The following ZDHHC11 variants were observed in gnomAD, a reference collection of about 807,000 sequenced individuals.
ZDHHC11 encodes zDHHC palmitoyltransferase 11.
In ZDHHC11, 44 loss-of-function variants were observed where a neutral mutation model predicts 51.3. The observed-to-expected ratio is 0.86, with a 90% confidence interval of 0.67 to 1.10. ZDHHC11 has a LOEUF of 1.10. Ranked by LOEUF, ZDHHC11 falls within the 50% of genes least tolerant of loss-of-function variation. The pLI, the probability that ZDHHC11 is intolerant of heterozygous loss-of-function variation, is 0.00. For missense variants in ZDHHC11, 400 were observed against 537.7 expected, an observed-to-expected ratio of 0.74 and a Z score of 2.53; for synonymous variants, 163 against 222.0, an observed-to-expected ratio of 0.73 and a Z score of 2.36.
chr5:838,525 C>T (rs1162303628), intron 5 of ZDHHC11, among the ~76,000 whole-genome samples: 2 of 152,004 alleles, frequency 1.3e-5, no homozygotes, highest in Non-Finnish European at 2.9e-5. Context: ...CGTCTCACCA[C>T]AGCCTCTCCA....
chr5:816,325 G>A (rs190435760), intron 10 of ZDHHC11: 148 of 341,344 alleles, frequency 4.3e-4, no homozygotes, highest in African/African-American at 3.1e-3. Flanking sequence ...ATTCTCTGGA[G>A]GGAGACTCAG....
At chr5:809,521 G>A (rs1454430024) in intron 11 of ZDHHC11, among the ~76,000 whole-genome samples, 5 of 150,244 alleles carry the variant, frequency 3.3e-5, no homozygotes, top group Non-Finnish European at 5.9e-5. Context: ...GGAGGCCATC[G>A]GAGAACCCGG....
intron 8 of ZDHHC11, 49 bp downstream of exon 8, chr5:825,115 C>G: frequency 1.9e-6 from 3 of 1,564,540 alleles, no homozygotes; most frequent in Non-Finnish European, 2.6e-6. Context: ...ACCACATATT[C>G]TGCACACGGC....
upstream of ZDHHC11, among the ~76,000 whole-genome samples, chr5:859,411 A>G (rs536502041): frequency 1.3e-5 from 2 of 152,296 alleles, no homozygotes; most frequent in African/African-American, 4.8e-5. Flanking sequence ...CTAGGATTGC[A>G]ACGCGTTGTG....
intron 1 of ZDHHC11, among the ~76,000 whole-genome samples, chr5:856,302 A>T (rs113088556): frequency 5.6e-5 from 7 of 124,942 alleles, no homozygotes; most frequent in African/African-American, 3.6e-4. Context: ...CACACACACA[A>T]GACACCACAC....
chr5:818,194 G>A (rs1160889450), intron 10 of ZDHHC11, among the ~76,000 whole-genome samples: 7 of 151,178 alleles, frequency 4.6e-5, no homozygotes, highest in East Asian at 1.9e-4. Flanking sequence ...CAGAGAGACC[G>A]AGGGGACTCA....
chr5:809,001 ACAC>A (rs1485619158), intron 11 of ZDHHC11, among the ~76,000 whole-genome samples: 2 of 146,216 alleles, frequency 1.4e-5, no homozygotes, highest in Non-Finnish European at 3.0e-5. Context: ...ACACACACAC[ACAC>A]ACACACACAC....
At chr5:810,554 C>T (rs1739956249) in intron 11 of ZDHHC11, among the ~76,000 whole-genome samples, 3 of 151,312 alleles carry the variant, frequency 2.0e-5, no homozygotes, top group Admixed American at 6.6e-5. Flanking sequence ...CAAAGCGTGA[C>T]ATGATTTAAA....
At chr5:851,286 G>C (rs1404287960), upstream of ZDHHC11, among the ~76,000 whole-genome samples, 1 of 152,184 alleles carries the variant, frequency 6.6e-6, no homozygotes, top group Non-Finnish European at 1.5e-5. Context: ...CGGGTGGACA[G>C]TGGCTGGGAG....
At chr5:807,423 A>T (rs2061503430) in intron 11 of ZDHHC11, among the ~76,000 whole-genome samples, 1 of 151,310 alleles carries the variant, frequency 6.6e-6, no homozygotes, top group Admixed American at 6.6e-5. Flanking sequence ...GTCTCAACAG[A>T]CAAAGATGAT....
At chr5:801,616 C>T (rs554895452) in intron 11 of ZDHHC11, among the ~76,000 whole-genome samples, 1 of 151,332 alleles carries the variant, frequency 6.6e-6, no homozygotes, top group East Asian at 1.9e-4. Flanking sequence ...GTGTTTTGTT[C>T]TCTGCCCTGA....
chr5:837,342 T>A (rs563724091), intron 6 of ZDHHC11, 23 bp downstream of exon 6: 5 of 1,613,466 alleles, frequency 3.1e-6, no homozygotes, highest in Non-Finnish European at 2.5e-6. Flanking sequence ...CCTGGAGAAA[T>A]GGAGCAGAGA....
At chr5:831,424 G>T (rs188584334) in intron 7 of ZDHHC11, among the ~76,000 whole-genome samples, 4 of 149,128 alleles carry the variant, frequency 2.7e-5, no homozygotes, top group Non-Finnish European at 4.5e-5. Flanking sequence ...CTCTACTAAC[G>T]ACACAAAAAT....
chr5:818,567 A>AG (rs1741137005), intron 10 of ZDHHC11, among the ~76,000 whole-genome samples: 1 of 151,596 alleles, frequency 6.6e-6, no homozygotes, highest in African/African-American at 2.4e-5. Context: ...TCTCAGATGG[A>AG]TTCCCCCACA....
At chr5:854,242 T>A (rs1427013501), upstream of ZDHHC11, among the ~76,000 whole-genome samples, 2 of 100,912 alleles carry the variant, frequency 2.0e-5, no homozygotes, top group Admixed American at 2.3e-4. Context: ...CCAGAGGACA[T>A]TGAGCAGTGT....
upstream of ZDHHC11, among the ~76,000 whole-genome samples, chr5:851,571 A>G (rs376563269): frequency 7.7e-4 from 117 of 152,326 alleles, 1 homozygote; most frequent in African/African-American, 2.7e-3. Flanking sequence ...AGACATTGAG[A>G]AATAGTTAAC....
At chr5:825,326 C>G (rs1377365399) in intron 7 of ZDHHC11, 75 bp from the exon 8 acceptor site, 1 of 1,458,540 alleles carries the variant, frequency 6.9e-7, no homozygotes, top group Non-Finnish European at 9.6e-7. Context: ...GGAGGCTGCA[C>G]CGCGTCGTGT....
intron 2 of ZDHHC11, among the ~76,000 whole-genome samples, chr5:847,933 C>T (rs1330623948): frequency 1.4e-4 from 22 of 151,882 alleles, no homozygotes; most frequent in South Asian, 8.3e-4. Context: ...GCCGCGCCTG[C>T]CCCATGGTTC....
intron 5 of ZDHHC11, chr5:840,102 A>T: frequency 1.6e-6 from 1 of 611,416 alleles, no homozygotes; most frequent in Non-Finnish European, 2.9e-6. Flanking sequence ...TTTCATTGTT[A>T]GAATTTCTAC....
Sources: allele counts gnomAD v4.1 joint callset (sites outside exome capture counted in the v4.1 genomes callset), GRCh38; gene constraint gnomAD v4.1.1; transcripts MANE v1.5; gene names NCBI Gene and HGNC (gene_info 2026-07-23, HGNC 2026-07-21).